Variants in IMMP2L observed in about 807,000 individuals in gnomAD.
IMMP2L encodes mitochondrial inner membrane protease subunit 2.
In IMMP2L, 18 loss-of-function variants were observed where a neutral mutation model predicts 19.3. The ratio of observed to expected loss-of-function variants is 0.93; its 90% CI spans 0.64 to 1.38. The LOEUF (loss-of-function observed/expected upper bound fraction) is 1.38, where lower values mean the gene tolerates loss of function less well. Among genes scored for constraint, IMMP2L ranks in the 40% most tolerant of loss-of-function variants. The pLI is 0.00. For synonymous variants in IMMP2L, 76 were observed against 73.0 expected (o/e 1.04, Z -0.21); for missense variants, 233 against 218.2 (o/e 1.07, Z -0.43).
chr7:110,719,574 C>T (rs1423473859), intron 5 of IMMP2L, among the ~76,000 whole-genome samples: 1 of 152,128 alleles, frequency 6.6e-6, no homozygotes, highest in Non-Finnish European at 1.5e-5. Context: ...TAGCACTGTA[C>T]AAATTGGAAG....
chr7:111,371,546 G>C (rs1584840237), intron 3 of IMMP2L, among the ~76,000 whole-genome samples: 1 of 151,964 alleles, frequency 6.6e-6, no homozygotes. Context: ...TATAGCATAG[G>C]AGTACCAGAA....
At chr7:111,260,261 G>A (rs972714893) in intron 3 of IMMP2L, among the ~76,000 whole-genome samples, 6 of 152,092 alleles carry the variant, frequency 3.9e-5, no homozygotes, top group Non-Finnish European at 7.4e-5. Flanking sequence ...ACAAACACAC[G>A]AGTAGTGCAT....
intron 5 of IMMP2L, among the ~76,000 whole-genome samples, chr7:110,882,678 G>T (rs1261613021): frequency 1.3e-5 from 2 of 151,954 alleles, no homozygotes; most frequent in African/African-American, 4.8e-5. Context: ...ACCATGCCCA[G>T]CTGTCAAGTG....
intron 3 of IMMP2L, among the ~76,000 whole-genome samples, chr7:111,150,783 ATAAG>A (rs1323347609): frequency 4.6e-5 from 7 of 152,234 alleles, no homozygotes; most frequent in Non-Finnish European, 1.0e-4. Flanking sequence ...TCTCAGAGAA[ATAAG>A]CATGCCCTAC....
intron 3 of IMMP2L, among the ~76,000 whole-genome samples, chr7:111,073,270 G>A (rs997228633): frequency 6.6e-6 from 1 of 152,110 alleles, no homozygotes; most frequent in East Asian, 1.9e-4. Context: ...GTGTGTGGTG[G>A]GGGAGACAGA....
chr7:111,075,626 T>C (rs745454941), intron 3 of IMMP2L, among the ~76,000 whole-genome samples: 3 of 152,182 alleles, frequency 2.0e-5, no homozygotes. Flanking sequence ...TTTTTGCTGG[T>C]TGCTCTTTCT....
intron 3 of IMMP2L, among the ~76,000 whole-genome samples, chr7:111,019,388 G>T (rs886669190): frequency 6.6e-6 from 1 of 152,122 alleles, no homozygotes; most frequent in African/African-American, 2.4e-5. Context: ...AGCAAAGTGG[G>T]AAGTCAGAAA....
chr7:111,252,570 A>C (rs1816268254), intron 3 of IMMP2L, among the ~76,000 whole-genome samples: 2 of 152,192 alleles, frequency 1.3e-5, no homozygotes, highest in African/African-American at 4.8e-5. Flanking sequence ...TGGGAAGCAG[A>C]GGAGAAAAAG....
chr7:110,724,320 C>T (rs897930568), intron 5 of IMMP2L: 1 of 152,040 alleles, frequency 6.6e-6, no homozygotes, highest in African/African-American at 2.4e-5. Flanking sequence ...TAGATCCTGC[C>T]CTATATATGA....
At chr7:110,790,320 G>A (rs1800378778) in intron 5 of IMMP2L, among the ~76,000 whole-genome samples, 1 of 151,704 alleles carries the variant, frequency 6.6e-6, no homozygotes, top group Admixed American at 6.6e-5. Context: ...AGAGGCTAAG[G>A]CAAAGACTGA....
intron 4 of IMMP2L, among the ~76,000 whole-genome samples, chr7:110,919,730 G>A (rs1205109424): frequency 1.3e-5 from 2 of 152,038 alleles, no homozygotes; most frequent in Non-Finnish European, 2.9e-5. Context: ...CATTAGGGAA[G>A]ATAAACATAA....
intron 5 of IMMP2L, among the ~76,000 whole-genome samples, chr7:110,836,423 T>A (rs1216093966): frequency 6.6e-6 from 1 of 152,184 alleles, no homozygotes; most frequent in Non-Finnish European, 1.5e-5. Context: ...TTTCCTGTGC[T>A]GTTCTTGTGA....
chr7:110,978,246 C>T (rs889073217), intron 3 of IMMP2L, among the ~76,000 whole-genome samples: 1 of 151,982 alleles, frequency 6.6e-6, no homozygotes, highest in Non-Finnish European at 1.5e-5. Context: ...GACTGTGCCA[C>T]TTGTTAGTAT....
intron 3 of IMMP2L, among the ~76,000 whole-genome samples, chr7:111,397,966 T>A (rs1833038725): frequency 6.6e-6 from 1 of 152,188 alleles, no homozygotes; most frequent in South Asian, 2.1e-4. Context: ...TCATTTATAC[T>A]TTCTTCTAAG....
intron 3 of IMMP2L, among the ~76,000 whole-genome samples, chr7:111,294,470 C>G (rs1055432500): frequency 6.6e-6 from 1 of 151,832 alleles, no homozygotes; most frequent in Non-Finnish European, 1.5e-5. Context: ...ACATACAGAG[C>G]TATAAGTAAA....
intron 3 of IMMP2L, among the ~76,000 whole-genome samples, chr7:111,182,773 G>C (rs1345831897): frequency 1.3e-5 from 2 of 151,868 alleles, no homozygotes; most frequent in Non-Finnish European, 2.9e-5. Context: ...ACAGATATAT[G>C]GCACAATGTA....
intron 5 of IMMP2L, among the ~76,000 whole-genome samples, chr7:110,875,293 C>T (rs1209137590): frequency 6.6e-6 from 1 of 152,088 alleles, no homozygotes; most frequent in Non-Finnish European, 1.5e-5. Context: ...TGAAACCAAG[C>T]TAGTAGATTT....
intron 3 of IMMP2L, among the ~76,000 whole-genome samples, chr7:111,031,793 C>T (rs1563177593): frequency 6.6e-6 from 1 of 152,062 alleles, no homozygotes; most frequent in Non-Finnish European, 1.5e-5. Flanking sequence ...ACCTGGCAAA[C>T]ATTATTTCAG....
At chr7:111,374,348 T>TA (rs1830500861) in intron 3 of IMMP2L, among the ~76,000 whole-genome samples, 1 of 151,956 alleles carries the variant, frequency 6.6e-6, no homozygotes, top group Non-Finnish European at 1.5e-5. Context: ...GCTGGTAACT[T>TA]AAAGTTAATG....
Sources: gnomAD v4.1 joint callset for allele counts (sites outside exome capture counted in the v4.1 genomes callset) on GRCh38, gnomAD v4.1.1 for gene constraint, MANE v1.5 for transcripts, NCBI Gene and HGNC (gene_info 2026-07-23, HGNC 2026-07-21) for gene names.